ACOT12: variants seen among roughly 807,000 people sequenced by gnomAD.
The protein encoded by ACOT12 is acetyl-coenzyme A thioesterase.
Under a neutral mutation model 67.7 loss-of-function variants are expected in ACOT12, and 51 were observed. That is an observed-to-expected ratio of 0.75 (90% confidence interval 0.60 to 0.95). ACOT12 has a LOEUF of 0.95. Among genes scored for constraint, ACOT12 ranks in the 40% least tolerant of loss-of-function variants. The pLI, the probability that ACOT12 is intolerant of heterozygous loss-of-function variation, is 0.00. For synonymous variants in ACOT12, 251 were observed against 244.6 expected (o/e 1.03, Z -0.24); for missense variants, 734 against 708.1 (o/e 1.04, Z -0.41).
intron 5 of ACOT12, among the ~76,000 whole-genome samples, chr5:81,355,428 AG>A (rs1476899615): frequency 2.0e-5 from 3 of 152,174 alleles, no homozygotes; most frequent in African/African-American, 7.2e-5. Flanking sequence ...GATGGAACTG[AG>A]GTCATTATGT....
chr5:81,350,670 A>G (rs1466307007), intron 5 of ACOT12, among the ~76,000 whole-genome samples: 1 of 152,120 alleles, frequency 6.6e-6, no homozygotes, highest in African/African-American at 2.4e-5. Context: ...TTTACACTAA[A>G]GTTTACTTGT....
At position 81,331,658 on chromosome 5, in the gene ACOT12, G is replaced by T. The variant is rs78076147; in HGVS notation, c.1392-718C>A. 7.3e-3 allele frequency among the ~76,000 whole-genome samples: 1,114 copies of T among 152,246 alleles called. 10 individuals carry two copies. Among genetic ancestry groups the T allele is most frequent in the African/African-American group, 0.023 (971 of 41,546 alleles). On this transcript the variant is annotated intron_variant, in intron 13 of 14. Transcript: ENST00000307624. Reference sequence around the variant, plus strand: ...CGCTCCCATGCTATTTTCTACCCTAGAAGTGAACACGCTTAACATTTTACT... The same window carrying T: ...CGCTCCCATGCTATTTTCTACCCTATAAGTGAACACGCTTAACATTTTACT...
chr5:81,339,523 C>A (rs1285088221), intron 11 of ACOT12, among the ~76,000 whole-genome samples: 1 of 152,186 alleles, frequency 6.6e-6, no homozygotes, highest in Non-Finnish European at 1.5e-5. Flanking sequence ...GCCTAGAAAG[C>A]CCTATTTCTC....
intron 2 of ACOT12, among the ~76,000 whole-genome samples, chr5:81,373,492 T>C (rs1254661504): frequency 6.6e-6 from 1 of 151,986 alleles, no homozygotes; most frequent in Admixed American, 6.6e-5. Flanking sequence ...CATACCCCAG[T>C]GGTACCTGGA....
Position 81,369,871 on chromosome 5 carries a change from G to A in ACOT12, c.258+1879C>T, listed in dbSNP as rs147989846. On this transcript the variant is annotated intron_variant, in intron 3 of 14. Transcript: ENST00000307624. ...GTGTGCAAAGGCTAAGAGCCCCACA[G>A]TTGAATAAACGCTCCAGAAACACCA... Among the ~76,000 whole-genome samples, 21 of 152,350 alleles carry A rather than the reference G, an allele frequency of 1.4e-4. No homozygotes were observed. The Middle Eastern group carries it at 0.01, about 74-fold the overall frequency.
intron 2 of ACOT12, among the ~76,000 whole-genome samples, chr5:81,377,835 C>T (rs9688138): frequency 0.52 from 78,353 of 151,960 alleles, 22,124 homozygotes; most frequent in African/African-American, 0.74. Flanking sequence ...GGAAATAAGA[C>T]AGGACACAAA....
At chr5:81,355,660 G>A (rs545811487) in intron 5 of ACOT12, among the ~76,000 whole-genome samples, 2 of 152,302 alleles carry the variant, frequency 1.3e-5, no homozygotes, top group South Asian at 2.1e-4. Context: ...AGAAAAAGAT[G>A]AGCCAATGCA....
chr5:81,364,843 G>T (rs1371710004), intron 3 of ACOT12, among the ~76,000 whole-genome samples: 1 of 139,780 alleles, frequency 7.2e-6, no homozygotes, highest in African/African-American at 2.8e-5. Context: ...CCAGAGAGAT[G>T]TACCATAACT....
chr5:81,386,994 CATTT>C (rs1760741892), intron 1 of ACOT12, among the ~76,000 whole-genome samples: 2 of 128,472 alleles, frequency 1.6e-5, no homozygotes, highest in South Asian at 2.4e-4. Flanking sequence ...GGATGAGTTC[CATTT>C]TTTTTTTTTT....
chr5:81,379,917 C>G (rs962491983), intron 2 of ACOT12, among the ~76,000 whole-genome samples: 5 of 152,128 alleles, frequency 3.3e-5, no homozygotes, highest in African/African-American at 1.2e-4. Flanking sequence ...TAAAGACAGT[C>G]TACAAGATGA....
intron 11 of ACOT12, among the ~76,000 whole-genome samples, chr5:81,340,729 TAG>T (rs537416079): frequency 1.2e-3 from 189 of 152,304 alleles, no homozygotes; most frequent in African/African-American, 4.2e-3. Context: ...AGAAAAAAAT[TAG>T]AGTCATATTT....
In ACOT12 at chr5:81,362,525, G is replaced by A. The variant is rs573561805; in HGVS notation, c.360+1263C>T. Among the ~76,000 whole-genome samples the A allele has an allele frequency of 4.6e-5, 7 of 151,576 alleles. No individual in the cohort carries two copies. The South Asian group carries it at 1.5e-3, about 31-fold the overall frequency. ...TTGGAGGGAGAAGTCTGAGGCTGGA[G>A]GGGGAATATGACGGTCTTCCTCTGC... is the stretch of plus-strand genomic sequence containing the variant. On this transcript the variant is annotated intron_variant, in intron 4 of 14. Transcript: ENST00000307624.
rs192974042 is a variant in ACOT12, at chr5:81,388,703, G to T, written c.128-2877C>A. Among the ~76,000 whole-genome samples, 6 of 152,280 alleles carry T rather than the reference G, an allele frequency of 3.9e-5. No individual in the cohort carries two copies. In the East Asian group the frequency reaches 1.2e-3, roughly 29 times the overall value. On this transcript the variant is annotated intron_variant, in intron 1 of 14. Coordinates refer to ENST00000307624, the MANE Select transcript of ACOT12 (RefSeq NM_130767.3). ...TGGATGAGCTAGAGGTTAATTAAAT[G>T]GATATTGATATGGTTTGGCTGTGTC...
chr5:81,367,849 G>A (rs548399180), intron 3 of ACOT12, among the ~76,000 whole-genome samples: 115 of 152,194 alleles, frequency 7.6e-4, no homozygotes, highest in Non-Finnish European at 1.5e-3. Flanking sequence ...CAAAAAGACA[G>A]GTTAAGAGAA....
chr5:81,331,404 G>A (rs1322022556), intron 13 of ACOT12, among the ~76,000 whole-genome samples: 2 of 152,318 alleles, frequency 1.3e-5, no homozygotes, highest in South Asian at 2.1e-4. Context: ...GACCATGGTG[G>A]CGCATGCCTG....
intron 3 of ACOT12, among the ~76,000 whole-genome samples, chr5:81,369,351 G>C (rs188073587): frequency 2.6e-5 from 4 of 152,332 alleles, no homozygotes; most frequent in Middle Eastern, 6.8e-3. Flanking sequence ...GGAGAAGTCA[G>C]TCATTTATTT....
intron 14 of ACOT12, 83 bp downstream of exon 14, chr5:81,330,731 T>A: frequency 1.9e-6 from 3 of 1,561,136 alleles, no homozygotes; most frequent in Non-Finnish European, 2.6e-6. Context: ...AAGATTACAA[T>A]TAATTAGGAC....
At chr5:81,350,026 T>C (rs896259032) in intron 5 of ACOT12, among the ~76,000 whole-genome samples, 2 of 152,228 alleles carry the variant, frequency 1.3e-5, no homozygotes, top group Admixed American at 6.5e-5. Flanking sequence ...TTTTTACATG[T>C]ATATTAAGTA....
chr5:81,344,259 A>G lies in ACOT12; in HGVS notation c.925-44T>C, dbSNP rs371603259. On this transcript the variant is annotated intron_variant, in intron 8 of 14. Transcript: ENST00000307624. ...TAAAATCAATAAAATAAAATAAAATATCTACTATCTTAGTGCTATAATCCT... is the reference window on the plus strand; with the variant it reads ...TAAAATCAATAAAATAAAATAAAATGTCTACTATCTTAGTGCTATAATCCT... 6 of 1,566,940 alleles carry G rather than the reference A, an allele frequency of 3.8e-6. No individual in the cohort carries two copies. The African/African-American group carries it at 6.9e-5, about 18-fold the overall frequency.
Sources: gnomAD v4.1 joint callset for allele counts (sites outside exome capture counted in the v4.1 genomes callset) on GRCh38, gnomAD v4.1.1 for gene constraint, MANE v1.5 for transcripts, NCBI Gene and HGNC (gene_info 2026-07-23, HGNC 2026-07-21) for gene names.